Variants in DIP2C observed in about 807,000 individuals in gnomAD.
DIP2C encodes the protein DIP2 acetate--CoA ligase C (putative), also known as disco-interacting protein 2 homolog C.
A neutral mutation model predicts 192.4 loss-of-function variants in DIP2C; 33 were observed. That is an observed-to-expected ratio of 0.17 (90% CI 0.13 to 0.23). The LOEUF (loss-of-function observed/expected upper bound fraction) is 0.23, where lower values mean the gene tolerates loss of function less well. DIP2C is among the 10% of genes least tolerant of loss of function. DIP2C has a pLI of 1.00. For synonymous variants in DIP2C, 979 were observed against 864.1 expected, an observed-to-expected ratio of 1.13 and a Z score of -2.33; for missense variants, 1,537 against 2,110.1, an observed-to-expected ratio of 0.73 and a Z score of 5.32.
At chr10:577,538 CCA>C (rs1352156863) in intron 1 of DIP2C, among the ~76,000 whole-genome samples, 2 of 152,192 alleles carry the variant, frequency 1.3e-5, no homozygotes, top group East Asian at 3.8e-4. Flanking sequence ...AGAGCCAACA[CCA>C]CACTCAGCAC....
intron 1 of DIP2C, among the ~76,000 whole-genome samples, chr10:600,709 C>G (rs1179183060): frequency 6.6e-6 from 1 of 152,212 alleles, no homozygotes; most frequent in Non-Finnish European, 1.5e-5. Context: ...CGCTTTTCAC[C>G]TTAAGGAGAT....
At chr10:520,653 C>T (rs977692726) in intron 1 of DIP2C, among the ~76,000 whole-genome samples, 3 of 152,152 alleles carry the variant, frequency 2.0e-5, no homozygotes, top group Non-Finnish European at 4.4e-5. Context: ...CGCACTCCCC[C>T]GCTGCTCCCA....
At chr10:540,553 AC>A (rs940369764) in intron 1 of DIP2C, among the ~76,000 whole-genome samples, 1 of 152,218 alleles carries the variant, frequency 6.6e-6, no homozygotes, top group African/African-American at 2.4e-5. Context: ...TGTAGTGCTT[AC>A]CAGAGCTGGG....
chr10:581,451 T>G (rs551108767), intron 1 of DIP2C, among the ~76,000 whole-genome samples: 1 of 151,960 alleles, frequency 6.6e-6, no homozygotes, highest in Non-Finnish European at 1.5e-5. Context: ...ATCAAAAATG[T>G]ACTTAGAGGT....
chr10:407,203 T>C (rs759032884), intron 9 of DIP2C, among the ~76,000 whole-genome samples: 1 of 152,222 alleles, frequency 6.6e-6, no homozygotes, highest in Non-Finnish European at 1.5e-5. Context: ...GTTGGGTAGT[T>C]ACGCTCGCAG....
At chr10:379,618 T>C (rs1195983746) in intron 17 of DIP2C, among the ~76,000 whole-genome samples, 1 of 152,358 alleles carries the variant, frequency 6.6e-6, no homozygotes, top group Non-Finnish European at 1.5e-5. Flanking sequence ...TTTTTTGTTT[T>C]CTTTTTTGCA....
intron 3 of DIP2C, among the ~76,000 whole-genome samples, chr10:471,223 C>T (rs1357034807): frequency 6.6e-6 from 1 of 152,164 alleles, no homozygotes. Context: ...CATTCAGGCT[C>T]TCAGGTGTGT....
intron 3 of DIP2C, among the ~76,000 whole-genome samples, chr10:470,850 A>C (rs769033594): frequency 1.3e-5 from 2 of 152,194 alleles, no homozygotes; most frequent in Admixed American, 6.5e-5. Context: ...AATGGAAGAT[A>C]GACCCCCACT....
intron 1 of DIP2C, among the ~76,000 whole-genome samples, chr10:588,800 A>G (rs1005685076): frequency 5.3e-5 from 8 of 152,186 alleles, no homozygotes; most frequent in African/African-American, 1.9e-4. Flanking sequence ...CACTGACAAG[A>G]GCCCCCATGT....
At chr10:355,191 C>A (rs1364712615) in intron 24 of DIP2C, among the ~76,000 whole-genome samples, 1 of 152,156 alleles carries the variant, frequency 6.6e-6, no homozygotes, top group African/African-American at 2.4e-5. Context: ...AACGGGCCTT[C>A]CTGGTTTTAA....
intron 18 of DIP2C, among the ~76,000 whole-genome samples, chr10:366,951 ACCC>A (rs990273088): frequency 1.3e-5 from 2 of 151,712 alleles, no homozygotes; most frequent in South Asian, 2.1e-4. Context: ...CATCCTACAT[ACCC>A]CCCAACTGCA....
At chr10:530,692 T>TA (rs1273005757) in intron 1 of DIP2C, among the ~76,000 whole-genome samples, 1 of 146,210 alleles carries the variant, frequency 6.8e-6, no homozygotes, top group Non-Finnish European at 1.5e-5. Context: ...ACTAACATAG[T>TA]AATGAAAAGG....
chr10:277,608 A>G (rs745466472), intron 36 of DIP2C, 31 bp from the exon 37 acceptor site: 15 of 1,609,726 alleles, frequency 9.3e-6, no homozygotes, highest in Admixed American at 1.7e-5. Flanking sequence ...CCATCATTAT[A>G]TGTTTATTAA....
intron 28 of DIP2C, 33 bp downstream of exon 28, chr10:344,776 T>A: frequency 1.3e-6 from 2 of 1,549,586 alleles, no homozygotes; most frequent in Middle Eastern, 2.3e-4. Context: ...CGCAGTTGCC[T>A]CCATGGCCAC....
intron 22 of DIP2C, among the ~76,000 whole-genome samples, chr10:359,076 T>C (rs1460922798): frequency 2.0e-5 from 3 of 152,168 alleles, no homozygotes; most frequent in South Asian, 4.2e-4. Context: ...CTCATAGCCG[T>C]GTCAAAAACA....
chr10:456,682 G>C (rs570221959), intron 3 of DIP2C, among the ~76,000 whole-genome samples: 1 of 152,278 alleles, frequency 6.6e-6, no homozygotes, highest in South Asian at 2.1e-4. Context: ...ACCTGTCCAC[G>C]GCCACCGTTT....
intron 24 of DIP2C, among the ~76,000 whole-genome samples, chr10:351,536 A>G (rs1056596530): frequency 6.6e-6 from 1 of 152,130 alleles, no homozygotes; most frequent in African/African-American, 2.4e-5. Flanking sequence ...ATTAGCTTAC[A>G]TTTCTCTGAA....
chr10:481,712 T>C (rs1481158624), intron 2 of DIP2C, among the ~76,000 whole-genome samples: 1 of 152,194 alleles, frequency 6.6e-6, no homozygotes, highest in Non-Finnish European at 1.5e-5. Flanking sequence ...TGTTCAGGGC[T>C]TCACGTGGAT....
chr10:434,532 CAG>C (rs1008318617), intron 4 of DIP2C, among the ~76,000 whole-genome samples: 4 of 152,202 alleles, frequency 2.6e-5, no homozygotes, highest in Admixed American at 6.5e-5. Flanking sequence ...CTTGGCCTCC[CAG>C]AGTGTTAGGG....
Sources: gnomAD v4.1 joint callset for allele counts (sites outside exome capture counted in the v4.1 genomes callset) on GRCh38, gnomAD v4.1.1 for gene constraint, MANE v1.5 for transcripts, NCBI Gene and HGNC (gene_info 2026-07-23, HGNC 2026-07-21) for gene names.